Variants in RGS12 observed in about 807,000 individuals in gnomAD.
RGS12 encodes regulator of G-protein signaling 12.
RGS12 carries 66 observed loss-of-function variants against 120.1 expected under a neutral mutation model. The observed-to-expected ratio is 0.55, with a 90% CI of 0.45 to 0.67. The LOEUF (loss-of-function observed/expected upper bound fraction) is 0.67, where lower values mean the gene tolerates loss of function less well. RGS12 is among the 30% of genes least tolerant of loss of function. The probability of loss-of-function intolerance (pLI) is 0.00; values close to 1 mark genes in which losing one functional copy is unlikely to be tolerated. For missense variants in RGS12, 1,859 were observed against 1,957.7 expected (o/e 0.95, Z 0.95); for synonymous variants, 827 against 804.7 (o/e 1.03, Z -0.47).
intron 1 of RGS12, chr4:3,312,495 A>G: frequency 4.5e-6 from 1 of 220,776 alleles, no homozygotes; most frequent in Non-Finnish European, 9.9e-6. Flanking sequence ...CACTACTGAG[A>G]AGCAGCCGTT....
chr4:3,341,763 G>A (rs1297015555), intron 2 of RGS12, among the ~76,000 whole-genome samples: 1 of 71,402 alleles, frequency 1.4e-5, no homozygotes, highest in Non-Finnish European at 2.9e-5. Context: ...GGACAAGGGT[G>A]GAGAGATGGT....
In RGS12 at chr4:3,439,644, CT is replaced by C; in HGVS notation, c.4305del (p.Lys1436SerfsTer56). 1.3e-6 allele frequency: 2 copies of C among 1,583,566 alleles called. No individual in the cohort carries two copies. The highest frequency in any genetic ancestry group is 1.7e-5 in the Admixed American group (1 of 57,726). ...TTGGGCCCCGTCCCGGGTGAGCCTG[CT>C]AAGCCCAAGACCAGCGCTCACCACG... ...PGLGPVPGEP[A>X]KPKTSAHHAT... On this transcript the variant is annotated frameshift_variant, in exon 18 of 18. Transcript: ENST00000336727. LOFTEE classifies it high-confidence loss of function.
At position 3,383,456 on chromosome 4, in the gene RGS12, A is replaced by G. The variant is rs549081422; in HGVS notation, c.1999-2960A>G. On this transcript the variant is annotated intron_variant, in intron 3 of 17. Transcript: ENST00000336727. ...ACCCCATCTCTACAAAAAATACACA[A>G]AGTAGCTGAGCATGTTGGTGAACTC... Among the ~76,000 whole-genome samples, 256 of 152,114 alleles carry G rather than the reference A, an allele frequency of 1.7e-3. 1 individual carries two copies. Among genetic ancestry groups the G allele is most frequent in the Admixed American group, 3.0e-3 (46 of 15,270 alleles).
intron 15 of RGS12, 110 bp from the exon 16 acceptor site, chr4:3,428,448 T>G: frequency 9.9e-7 from 1 of 1,011,332 alleles, no homozygotes; most frequent in Non-Finnish European, 1.5e-6. Context: ...TGCATGTAAA[T>G]TCTGTATCAA....
rs1713403329 is a variant in RGS12, at chr4:3,342,989, C to G, written c.1934C>G (p.Ser645Cys). The change falls in exon 3 of 18, where the codon TCT (serine) becomes TGT (cysteine). Residue 645 changes from serine (S) to cysteine (C), a missense_variant. Ser to Cys is a moderately radical substitution (Grantham distance 112). Coordinates refer to ENST00000336727, the MANE Select transcript of RGS12 (RefSeq NM_001394154.1). ...CTCACTCAGCCTTCTCAACGCACGT[C>G]TGCTCGGAGATCATTTGGGAGATCC... ...TGLTQPSQRT[S>C]ARRSFGRSKR... The G allele has an allele frequency of 6.2e-7, 1 of 1,613,890 alleles. No homozygotes were observed. Among genetic ancestry groups the G allele is most frequent in the East Asian group, 2.2e-5 (1 of 44,886 alleles).
chr4:3,431,100 C>T (rs1484278295), intron 17 of RGS12, 145 bp downstream of exon 17: 2 of 1,441,804 alleles, frequency 1.4e-6, no homozygotes, highest in Non-Finnish European at 1.8e-6. Context: ...TGGGGGCTTC[C>T]TTGGCCCTCT....
At chr4:3,359,779 T>C (rs140268703) in intron 3 of RGS12, among the ~76,000 whole-genome samples, 1 of 151,818 alleles carries the variant, frequency 6.6e-6, no homozygotes, top group South Asian at 2.1e-4. Context: ...TGTGCCACCA[T>C]GCCTGGCTAA....
chr4:3,395,316 A>C (rs1302960101), intron 4 of RGS12, among the ~76,000 whole-genome samples: 1 of 151,582 alleles, frequency 6.6e-6, no homozygotes, highest in Non-Finnish European at 1.5e-5. Flanking sequence ...GGAGCTGTTT[A>C]CTCTCCTAGC....
At chr4:3,330,687 A>G (rs1342982865) in intron 2 of RGS12, among the ~76,000 whole-genome samples, 6 of 152,230 alleles carry the variant, frequency 3.9e-5, no homozygotes, top group Admixed American at 3.3e-4. Flanking sequence ...ACGAGTTTCT[A>G]TGCTATAACA....
chr4:3,346,108 G>A (rs1233151962), intron 3 of RGS12, among the ~76,000 whole-genome samples: 3 of 152,126 alleles, frequency 2.0e-5, no homozygotes. Flanking sequence ...AGGTATAGCA[G>A]GTAGTATCAG....
intron 1 of RGS12, among the ~76,000 whole-genome samples, chr4:3,300,562 C>T (rs989918215): frequency 4.6e-5 from 7 of 152,234 alleles, no homozygotes; most frequent in Admixed American, 6.5e-5. Context: ...TAGCAGCCCC[C>T]GGTCCCGTCA....
intron 2 of RGS12, among the ~76,000 whole-genome samples, chr4:3,328,579 A>C (rs113906168): frequency 0.021 from 3,235 of 152,302 alleles, 103 homozygotes; most frequent in African/African-American, 0.065. Flanking sequence ...CTTTTTAAAA[A>C]ATAAATGACC....
Position 3,430,346 on chromosome 4 carries a change from G to A in RGS12, c.3566-61G>A, listed in dbSNP as rs541444648. On this transcript the variant is annotated intron_variant, in intron 16 of 17. Coordinates refer to ENST00000336727, the MANE Select transcript of RGS12 (RefSeq NM_001394154.1). ...ATGAGAGCTTTCTAGAATGTTCTGC[G>A]GTGACAGTCATTAATGTGAAACTCT... 79 of 1,437,144 alleles carry A rather than the reference G, an allele frequency of 5.5e-5. No individual in the cohort carries two copies. In the Middle Eastern group the frequency reaches 7.2e-4, roughly 13 times the overall value. 89.0% of individuals were successfully genotyped at this position (1,437,144 alleles called of 1,614,324 possible).
intron 4 of RGS12, among the ~76,000 whole-genome samples, chr4:3,410,583 G>A (rs956794554): frequency 1.3e-5 from 2 of 152,238 alleles, no homozygotes; most frequent in East Asian, 1.9e-4. Flanking sequence ...CCCGGCAGCA[G>A]TAGCCGGCTC....
chr4:3,366,375 C>A lies in RGS12; in HGVS notation c.1999-20041C>A, dbSNP rs920738744. On this transcript the variant is annotated intron_variant, in intron 3 of 17. Coordinates refer to ENST00000336727, the MANE Select transcript of RGS12 (RefSeq NM_001394154.1). The surrounding 1 kb of genome is among the most constrained non-coding windows in gnomAD (Gnocchi z 4.0). ...CACACCTGGGCCTTTGGCTTGGCGA[C>A]CAGAGGCCTCCAGGGTTAAGAGCAG... Among the ~76,000 whole-genome samples the A allele has an allele frequency of 6.6e-6, 1 of 152,182 alleles. No homozygotes were observed. Among genetic ancestry groups the A allele is most frequent in the South Asian group, 2.1e-4 (1 of 4,818 alleles).
At chr4:3,348,541 T>C (rs1265232163) in intron 3 of RGS12, among the ~76,000 whole-genome samples, 1 of 152,128 alleles carries the variant, frequency 6.6e-6, no homozygotes, top group Non-Finnish European at 1.5e-5. Context: ...CGCACCGTAT[T>C]ATAGAGGAAT....
chr4:3,423,825 C>T, intron 13 of RGS12, 184 bp downstream of exon 13: 1 of 676,244 alleles, frequency 1.5e-6, no homozygotes, highest in Non-Finnish European at 2.4e-6. Context: ...GCAGTGGGAG[C>T]CATCATGGTT....
At chr4:3,323,859 G>GTA (rs1421842495) in intron 2 of RGS12, 1 of 70,722 alleles carries the variant, frequency 1.4e-5, no homozygotes, top group African/African-American at 6.5e-5. Flanking sequence ...TAGTGTGTGT[G>GTA]TGTGTGTGTG....
chr4:3,363,240 C>T (rs542268130), intron 3 of RGS12, among the ~76,000 whole-genome samples: 1 of 152,130 alleles, frequency 6.6e-6, no homozygotes, highest in African/African-American at 2.4e-5. Context: ...CCCCATAAAT[C>T]CTAGTGTTTT....
Sources: gnomAD v4.1 joint callset for allele counts (sites outside exome capture counted in the v4.1 genomes callset) on GRCh38, gnomAD v4.1.1 for gene constraint, Gnocchi (gnomAD v3.1) non-coding constraint, MANE v1.5 for transcripts, NCBI Gene and HGNC (gene_info 2026-07-23, HGNC 2026-07-21) for gene names.